The following BPIFC variants were observed in gnomAD, a reference collection of about 807,000 sequenced individuals.
BPIFC encodes the protein BPI fold-containing family C protein.
Under a neutral mutation model 57.6 loss-of-function variants are expected in BPIFC, and 60 were observed. That is an observed-to-expected ratio of 1.04 (90% CI 0.85 to 1.29). The LOEUF (loss-of-function observed/expected upper bound fraction) is 1.29, where lower values mean the gene tolerates loss of function less well. Among genes scored for constraint, BPIFC ranks in the 50% most tolerant of loss-of-function variants. The pLI is 0.00. For synonymous variants in BPIFC, 243 were observed against 224.5 expected (o/e 1.08, Z -0.74); for missense variants, 581 against 600.5 (o/e 0.97, Z 0.34).
chr22:32,451,220 T>G (rs958975554), intron 4 of BPIFC, among the ~76,000 whole-genome samples: 3 of 152,232 alleles, frequency 2.0e-5, no homozygotes, highest in African/African-American at 7.2e-5. Flanking sequence ...TTTTTATGGC[T>G]GCATAGTATT....
chr22:32,423,577 G>GGGGGGTGTGT (rs1556036074), intron 13 of BPIFC, among the ~76,000 whole-genome samples: 9 of 143,196 alleles, frequency 6.3e-5, no homozygotes, highest in African/African-American at 2.4e-4. Flanking sequence ...GTAGGGTGTG[G>GGGGGGTGTGT]GTGTGTGTGT....
At chr22:32,448,240 T>C (rs980881097) in intron 4 of BPIFC, among the ~76,000 whole-genome samples, 4 of 152,036 alleles carry the variant, frequency 2.6e-5, no homozygotes, top group Non-Finnish European at 5.9e-5. Flanking sequence ...GGATAATTTT[T>C]TGTATTTTTA....
At chr22:32,455,436 T>C (rs953580026) in intron 3 of BPIFC, among the ~76,000 whole-genome samples, 3 of 152,188 alleles carry the variant, frequency 2.0e-5, no homozygotes, top group Non-Finnish European at 4.4e-5. Flanking sequence ...AAATCATTGA[T>C]AAAATTTTAA....
At chr22:32,431,696 C>T (rs1210081311) in intron 12 of BPIFC, among the ~76,000 whole-genome samples, 4 of 151,730 alleles carry the variant, frequency 2.6e-5, no homozygotes, top group Non-Finnish European at 4.4e-5. Context: ...GTGCGTATGA[C>T]ATTTTTGTTA....
At chr22:32,414,970 C>T (rs994843113) in intron 16 of BPIFC, among the ~76,000 whole-genome samples, 3 of 152,156 alleles carry the variant, frequency 2.0e-5, no homozygotes, top group Non-Finnish European at 4.4e-5. Context: ...AGAGCATGCA[C>T]GGTAGTGTAG....
Position 32,445,824 on chromosome 22 carries a change from C to T in BPIFC, c.530+17G>A, listed in dbSNP as rs1934712137. ...AGCCCCTAACTAGCCACTGCCCAAC[C>T]CAGGGCTCTCATTCACCTGAGTTCT... is the stretch of plus-strand genomic sequence containing the variant. On this transcript the variant is annotated intron_variant, in intron 6 of 16. Transcript: ENST00000300399. 10 of 1,613,464 alleles carry T rather than the reference C, an allele frequency of 6.2e-6. No homozygotes were observed. Among genetic ancestry groups the T allele is most frequent in the Non-Finnish European group, 7.6e-6 (9 of 1,179,810 alleles).
At chr22:32,462,694 A>G (rs9606956) in intron 1 of BPIFC, among the ~76,000 whole-genome samples, 57,261 of 152,058 alleles carry the variant, frequency 0.38, 12,999 homozygotes, top group Middle Eastern at 0.5. Flanking sequence ...TGGGAACCCA[A>G]CCTTGTTCTT....
Position 32,416,990 on chromosome 22 carries a change from A to G in BPIFC, c.1324+95T>C, listed in dbSNP as rs1406061378. On this transcript the variant is annotated intron_variant, in intron 15 of 16. Coordinates refer to ENST00000300399, the MANE Select transcript of BPIFC (RefSeq NM_174932.3). Reference sequence around the variant, plus strand: ...ATAACATGATAGAAGTACAAGCTTCAGGGTGGAAAGTCCCAAACAATCCCC... The same window carrying G: ...ATAACATGATAGAAGTACAAGCTTCGGGGTGGAAAGTCCCAAACAATCCCC... 2.7e-6 allele frequency: 3 copies of G among 1,094,542 alleles called. No homozygotes were observed. The African/African-American group carries it at 4.6e-5, about 17-fold the overall frequency. 67.8% of individuals were successfully genotyped at this position (1,094,542 alleles called of 1,614,324 possible).
chr22:32,418,724 C>T (rs2014356), intron 14 of BPIFC, among the ~76,000 whole-genome samples: 1 of 152,082 alleles, frequency 6.6e-6, no homozygotes, highest in Non-Finnish European at 1.5e-5. Context: ...GAACTAGGCA[C>T]TATTCTACCC....
At chr22:32,419,020 A>C (rs779385905) in intron 14 of BPIFC, among the ~76,000 whole-genome samples, 4 of 151,460 alleles carry the variant, frequency 2.6e-5, no homozygotes, top group Non-Finnish European at 5.9e-5. Flanking sequence ...GGGATATGTA[A>C]CTCTATATGT....
chr22:32,463,595 T>A (rs1344240435), intron 1 of BPIFC, among the ~76,000 whole-genome samples: 1 of 151,978 alleles, frequency 6.6e-6, no homozygotes, highest in African/African-American at 2.4e-5. Flanking sequence ...ATTAAGGGAG[T>A]AATGAATGAG....
chr22:32,447,916 A>G (rs1386931335), intron 4 of BPIFC, among the ~76,000 whole-genome samples: 1 of 151,840 alleles, frequency 6.6e-6, no homozygotes, highest in East Asian at 1.9e-4. Flanking sequence ...GCCTAGAAAT[A>G]TATTTGTAAA....
intron 5 of BPIFC, 60 bp downstream of exon 5, chr22:32,447,152 T>A: frequency 7.0e-7 from 1 of 1,430,990 alleles, no homozygotes; most frequent in Non-Finnish European, 9.2e-7. Context: ...AATTTCTACA[T>A]TTTCCGTTTT....
At chr22:32,430,473 T>G (rs1020873646) in intron 13 of BPIFC, among the ~76,000 whole-genome samples, 5 of 149,218 alleles carry the variant, frequency 3.4e-5, no homozygotes, top group South Asian at 2.1e-4. Flanking sequence ...TTTGTATGTT[T>G]ATATAAAATA....
chr22:32,449,806 C>T (rs1934834751), intron 4 of BPIFC, among the ~76,000 whole-genome samples: 1 of 151,314 alleles, frequency 6.6e-6, no homozygotes. Context: ...ATGATCTCGG[C>T]TCACTACAAG....
At chr22:32,439,048 G>T (rs1934488488) in intron 8 of BPIFC, among the ~76,000 whole-genome samples, 1 of 152,050 alleles carries the variant, frequency 6.6e-6, no homozygotes, top group Non-Finnish European at 1.5e-5. Context: ...AGATTGGGCT[G>T]GGTGTGGTGG....
At chr22:32,445,779 T>C (rs1934710686) in intron 6 of BPIFC, 62 bp downstream of exon 6, 1 of 1,448,382 alleles carries the variant, frequency 6.9e-7, no homozygotes. Context: ...AAACCTTCCC[T>C]AGGCGATGCC....
chr22:32,454,805 A>G (rs1934992998), intron 3 of BPIFC, among the ~76,000 whole-genome samples: 1 of 152,116 alleles, frequency 6.6e-6, no homozygotes, highest in African/African-American at 2.4e-5. Flanking sequence ...TTGAATCCCA[A>G]CTTTGCCACT....
chr22:32,414,357 T>A lies in BPIFC; in HGVS notation c.1470A>T (p.Val490=). The A allele has an allele frequency of 6.2e-7, 1 of 1,614,026 alleles. No homozygotes were observed. The highest frequency in any genetic ancestry group is 8.5e-7 in the Non-Finnish European group (1 of 1,179,922). ...TSSKQQPSFH[V]WEGLNLISRQ... Reference sequence around the variant, plus strand: ...TGCTTATCAGGTTCAGACCTTCCCATACGTGGAAACTTGGCTGCTGCTTTG... The same window carrying A: ...TGCTTATCAGGTTCAGACCTTCCCAAACGTGGAAACTTGGCTGCTGCTTTG... The change falls in exon 17 of 17, where the codon GTA becomes GTT. Residue 490 remains valine (V), a synonymous_variant. Transcript: ENST00000300399.
Sources: gnomAD v4.1 joint callset for allele counts (sites outside exome capture counted in the v4.1 genomes callset) on GRCh38, gnomAD v4.1.1 for gene constraint, MANE v1.5 for transcripts, NCBI Gene and HGNC (gene_info 2026-07-23, HGNC 2026-07-21) for gene names.